EXOC6: variants seen among roughly 807,000 people sequenced by gnomAD.
The protein encoded by EXOC6 is SEC15-like 1.
A neutral mutation model predicts 112.5 loss-of-function variants in EXOC6; 60 were observed. That is an observed-to-expected ratio of 0.53 (90% CI 0.43 to 0.66). The LOEUF is 0.66. Among genes scored for constraint, EXOC6 ranks in the 30% least tolerant of loss-of-function variants. EXOC6 has a pLI of 0.00. For synonymous variants in EXOC6, 295 were observed against 308.0 expected, an observed-to-expected ratio of 0.96 and a Z score of 0.44; for missense variants, 855 against 957.1, an observed-to-expected ratio of 0.89 and a Z score of 1.41.
chr10:92,996,414 G>C (rs565134413), intron 18 of EXOC6, among the ~76,000 whole-genome samples: 1 of 152,076 alleles, frequency 6.6e-6, no homozygotes, highest in African/African-American at 2.4e-5. Context: ...AGGTCAGATC[G>C]AGACCATCCT....
intron 6 of EXOC6, among the ~76,000 whole-genome samples, chr10:92,915,481 T>C (rs12256443): frequency 0.022 from 3,316 of 148,974 alleles, 124 homozygotes; most frequent in African/African-American, 0.079. Flanking sequence ...GGTAGGAGGA[T>C]CACTGCAGCC....
intron 20 of EXOC6, among the ~76,000 whole-genome samples, chr10:93,042,926 CT>C (rs66526404): frequency 0.45 from 64,423 of 143,642 alleles, 16,106 homozygotes; most frequent in East Asian, 0.9. Flanking sequence ...AGATATTTTA[CT>C]ATTATTATTA....
At chr10:92,853,444 C>T (rs1847445852) in intron 1 of EXOC6, among the ~76,000 whole-genome samples, 1 of 152,128 alleles carries the variant, frequency 6.6e-6, no homozygotes, top group Non-Finnish European at 1.5e-5. Flanking sequence ...GCCAAACTAA[C>T]TTGGTAAAAG....
intron 1 of EXOC6, among the ~76,000 whole-genome samples, chr10:92,870,033 C>T (rs1028958367): frequency 4.1e-5 from 6 of 147,500 alleles, no homozygotes; most frequent in Admixed American, 3.5e-4. Flanking sequence ...CTCACTGCAA[C>T]CTCCGCCTCC....
Position 93,033,736 on chromosome 10 carries a change from T to C in EXOC6, c.2169+19469T>C, listed in dbSNP as rs557611601. ...AGATTTTGATTTATTTGCTTGTTTA[T>C]TTGTCATTTATTTCTTCAATAAAAA... On this transcript the variant is annotated intron_variant, in intron 20 of 21. Coordinates refer to ENST00000260762, the MANE Select transcript of EXOC6 (RefSeq NM_019053.6). Among the ~76,000 whole-genome samples, 3 of 148,886 alleles carry C rather than the reference T, an allele frequency of 2.0e-5. No homozygotes were observed. The South Asian group carries it at 6.3e-4, about 31-fold the overall frequency.
chr10:92,849,421 C>T (rs1164594211), intron 1 of EXOC6, among the ~76,000 whole-genome samples: 1 of 152,190 alleles, frequency 6.6e-6, no homozygotes, highest in Admixed American at 6.5e-5. Flanking sequence ...TATTCCATGC[C>T]AAACTGAGTA....
At chr10:92,919,303 A>G (rs542737688) in intron 7 of EXOC6, among the ~76,000 whole-genome samples, 22 of 139,280 alleles carry the variant, frequency 1.6e-4, no homozygotes, top group African/African-American at 5.1e-4. Flanking sequence ...CTAATAAGCA[A>G]TGTTATAGTA....
intron 17 of EXOC6, among the ~76,000 whole-genome samples, chr10:92,972,703 T>C (rs1169425469): frequency 1.3e-5 from 2 of 152,202 alleles, no homozygotes. Flanking sequence ...CAGGGTCTTG[T>C]CTTATCAGCC....
chr10:92,874,002 G>A (rs1848573539), intron 1 of EXOC6, among the ~76,000 whole-genome samples: 1 of 151,606 alleles, frequency 6.6e-6, no homozygotes, highest in African/African-American at 2.4e-5. Flanking sequence ...GCAGTGAGCT[G>A]GGATTGCACC....
intron 20 of EXOC6, among the ~76,000 whole-genome samples, chr10:93,045,935 A>G (rs1845984014): frequency 6.6e-6 from 1 of 152,266 alleles, no homozygotes; most frequent in Non-Finnish European, 1.5e-5. Flanking sequence ...AAATCAATCA[A>G]TAAATAGCCT....
intron 8 of EXOC6, among the ~76,000 whole-genome samples, chr10:92,925,852 G>C (rs983577984): frequency 6.6e-6 from 1 of 151,848 alleles, no homozygotes; most frequent in Non-Finnish European, 1.5e-5. Flanking sequence ...TTTTTAAAGA[G>C]ATAGCTTGAC....
rs754554956 is a variant in EXOC6 at position 92,934,295 on chromosome 10, A to G, written c.1020-15A>G. The G allele has an allele frequency of 1.3e-6, 2 of 1,569,798 alleles. No individual in the cohort carries two copies. The highest frequency in any genetic ancestry group is 2.3e-5 in the East Asian group (1 of 44,162). Reference sequence around the variant, plus strand: ...TTTTTTTTTTAACACATGCTTTGGTAATTACTGTTTTTAGGTTCTTTGTGG... The same window carrying G: ...TTTTTTTTTTAACACATGCTTTGGTGATTACTGTTTTTAGGTTCTTTGTGG... On this transcript the variant is annotated splice_polypyrimidine_tract_variant and intron_variant, in intron 10 of 21. Transcript: ENST00000260762.
At chr10:92,850,688 C>T (rs1847283099) in intron 1 of EXOC6, among the ~76,000 whole-genome samples, 1 of 152,210 alleles carries the variant, frequency 6.6e-6, no homozygotes, top group Non-Finnish European at 1.5e-5. Context: ...CCCTTATCTA[C>T]TCCCTATCAT....
At chr10:92,892,341 C>T (rs1183552071) in intron 1 of EXOC6, among the ~76,000 whole-genome samples, 1 of 152,232 alleles carries the variant, frequency 6.6e-6, no homozygotes, top group Admixed American at 6.5e-5. Context: ...GAATTGTGGA[C>T]AGCACTTACT....
rs140237702 is a variant in EXOC6 at position 93,042,003 on chromosome 10, G to A, written c.2170-14921G>A. ...TGGTATTACAGGCCTGGGCCACTGCGCCCGGCCAGCTTCCTTGTTTAGAAC... is the reference window on the plus strand; with the variant it reads ...TGGTATTACAGGCCTGGGCCACTGCACCCGGCCAGCTTCCTTGTTTAGAAC... On this transcript the variant is annotated intron_variant, in intron 20 of 21. Transcript: ENST00000260762. 5.9e-5 allele frequency among the ~76,000 whole-genome samples: 9 copies of A among 152,290 alleles called. No individual in the cohort carries two copies. The East Asian group carries it at 1.5e-3, about 26-fold the overall frequency.
At chr10:92,993,581 T>C (rs1016176174) in intron 18 of EXOC6, among the ~76,000 whole-genome samples, 3 of 152,190 alleles carry the variant, frequency 2.0e-5, no homozygotes, top group Admixed American at 2.0e-4. Context: ...CTTACAATTA[T>C]ATTAGAGTAG....
chr10:93,014,086 G>A, intron 19 of EXOC6, 108 bp from the exon 20 acceptor site: 2 of 789,722 alleles, frequency 2.5e-6, no homozygotes, highest in Non-Finnish European at 4.1e-6. Context: ...AAATGATTAT[G>A]TGTAAATATT....
chr10:93,055,536 C>T (rs896749156), intron 20 of EXOC6, among the ~76,000 whole-genome samples: 1 of 152,202 alleles, frequency 6.6e-6, no homozygotes, highest in Non-Finnish European at 1.5e-5. Flanking sequence ...AATTTACACT[C>T]TTACCATCTG....
upstream of EXOC6, among the ~76,000 whole-genome samples, chr10:92,846,073 C>G (rs1348387321): frequency 1.3e-5 from 2 of 152,248 alleles, no homozygotes; most frequent in Non-Finnish European, 2.9e-5. Flanking sequence ...AAAACTGTTT[C>G]AGAAGGAGAA....
Sources: gnomAD v4.1 joint callset for allele counts (sites outside exome capture counted in the v4.1 genomes callset) on GRCh38, gnomAD v4.1.1 for gene constraint, MANE v1.5 for transcripts, NCBI Gene and HGNC (gene_info 2026-07-23, HGNC 2026-07-21) for gene names.